CATSPERE: variants seen among roughly 807,000 people sequenced by gnomAD.
The protein encoded by CATSPERE is cation channel sperm-associated auxiliary subunit epsilon.
A neutral mutation model predicts 114.1 loss-of-function variants in CATSPERE; 93 were observed. That is an observed-to-expected ratio of 0.81 (90% CI 0.69 to 0.97). The LOEUF (loss-of-function observed/expected upper bound fraction) is 0.97, where lower values mean the gene tolerates loss of function less well. CATSPERE is among the 50% of genes least tolerant of loss of function. CATSPERE has a pLI of 0.00. For synonymous variants in CATSPERE, 341 were observed against 384.1 expected, an observed-to-expected ratio of 0.89 and a Z score of 1.31; for missense variants, 1,058 against 1,131.6, an observed-to-expected ratio of 0.93 and a Z score of 0.93.
intron 11 of CATSPERE, among the ~76,000 whole-genome samples, chr1:244,579,201 A>G (rs1665798794): frequency 1.3e-5 from 2 of 152,220 alleles, no homozygotes; most frequent in South Asian, 2.1e-4. Flanking sequence ...AGCAATAGCA[A>G]TCGGAGGTGG....
At chr1:244,510,692 G>T (rs542494233) in intron 7 of CATSPERE, among the ~76,000 whole-genome samples, 2 of 152,024 alleles carry the variant, frequency 1.3e-5, no homozygotes, top group Non-Finnish European at 1.5e-5. Flanking sequence ...TCTGTCCAAT[G>T]CTGAGAGTGG....
intron 21 of CATSPERE, among the ~76,000 whole-genome samples, chr1:244,637,901 A>G (rs1674831912): frequency 1.3e-5 from 2 of 152,214 alleles, no homozygotes; most frequent in Non-Finnish European, 1.5e-5. Flanking sequence ...TTGCAAACAT[A>G]AAAATCTACT....
At chr1:244,487,470 T>C (rs547840297) in intron 5 of CATSPERE, among the ~76,000 whole-genome samples, 18 of 152,214 alleles carry the variant, frequency 1.2e-4, no homozygotes, top group African/African-American at 4.3e-4. Flanking sequence ...TGGGCCATGC[T>C]AGATACCTGG....
intron 8 of CATSPERE, among the ~76,000 whole-genome samples, chr1:244,532,956 A>G (rs1201147339): frequency 6.6e-6 from 1 of 151,624 alleles, no homozygotes; most frequent in East Asian, 1.9e-4. Flanking sequence ...GGGATGTTGA[A>G]GTGTCTGGCT....
upstream of CATSPERE, among the ~76,000 whole-genome samples, chr1:244,458,652 G>A (rs759343501): frequency 2.6e-5 from 4 of 152,212 alleles, no homozygotes; most frequent in Non-Finnish European, 5.9e-5. Context: ...TAACAAGTGA[G>A]TAAAATATAC....
At chr1:244,599,923 C>T (rs1317628205) in intron 17 of CATSPERE, among the ~76,000 whole-genome samples, 2 of 151,896 alleles carry the variant, frequency 1.3e-5, no homozygotes, top group African/African-American at 2.4e-5. Context: ...CAGGAATTTA[C>T]CTATAGAGAA....
intron 8 of CATSPERE, among the ~76,000 whole-genome samples, chr1:244,545,175 G>C (rs1398979979): frequency 6.6e-6 from 1 of 152,148 alleles, no homozygotes; most frequent in Non-Finnish European, 1.5e-5. Flanking sequence ...ACTCAAATAT[G>C]GGGCCTTCTA....
Position 244,561,051 on chromosome 1 carries a change from T to C in CATSPERE, c.1413T>C (p.His471=), listed in dbSNP as rs1396830326. ...WNKHSIYYCY[H]NFTFTGILQT... ...AGCATAGTATCTACTATTGTTACCA[T>C]AATTTCACCTTTACTGGGATTTTAC... Residue 471 remains histidine (H), a synonymous_variant, in exon 10 of 22, where the codon CAT becomes CAC. Transcript: ENST00000366534. 5.6e-6 allele frequency: 9 copies of C among 1,612,690 alleles called. No homozygotes were observed. Among genetic ancestry groups the C allele is most frequent in the South Asian group, 5.5e-5 (5 of 91,066 alleles).
At chr1:244,518,737 A>G in intron 8 of CATSPERE, 39 bp downstream of exon 8, 2 of 1,068,090 alleles carry the variant, frequency 1.9e-6, no homozygotes, top group Non-Finnish European at 2.7e-6. Context: ...AGAAATATGA[A>G]AACTTAAACT....
chr1:244,604,100 C>T (rs1669646145), intron 17 of CATSPERE, among the ~76,000 whole-genome samples: 1 of 152,322 alleles, frequency 6.6e-6, no homozygotes, highest in Non-Finnish European at 1.5e-5. Context: ...TAAAGCCTGA[C>T]CCAAATCTCT....
At chr1:244,629,944 C>A (rs557790725) in intron 20 of CATSPERE, among the ~76,000 whole-genome samples, 2 of 152,300 alleles carry the variant, frequency 1.3e-5, no homozygotes, top group East Asian at 3.9e-4. Context: ...TTGGCCTTGT[C>A]TCCTTTATCT....
intron 20 of CATSPERE, among the ~76,000 whole-genome samples, chr1:244,621,188 G>GATATATTTAT (rs1672223511): frequency 7.3e-5 from 1 of 13,750 alleles, no homozygotes; most frequent in Non-Finnish European, 1.6e-4. Context: ...TATTTATATA[G>GATATATTTAT]ATATATTTAT....
In CATSPERE at chr1:244,517,753, A is replaced by G. The variant is rs565940251; in HGVS notation, c.430-839A>G. ...GTGCCATTGCACTCCAGCCTGGGCA[A>G]CACAGCAAAACTCTTGTCTCAAAAA... On this transcript the variant is annotated intron_variant, in intron 7 of 21. Coordinates refer to ENST00000366534, the MANE Select transcript of CATSPERE (RefSeq NM_001130957.2). Among the ~76,000 whole-genome samples, 22 of 150,170 alleles carry G rather than the reference A, an allele frequency of 1.5e-4. No individual in the cohort carries two copies. The South Asian group carries it at 4.2e-3, about 29-fold the overall frequency.
intron 8 of CATSPERE, among the ~76,000 whole-genome samples, chr1:244,522,183 AC>A (rs1677686587): frequency 6.6e-6 from 1 of 152,232 alleles, no homozygotes; most frequent in South Asian, 2.1e-4. Flanking sequence ...TAAGAATCTC[AC>A]TCAAAACCGC....
At chr1:244,603,186 G>A (rs1558576011) in intron 17 of CATSPERE, among the ~76,000 whole-genome samples, 1 of 152,090 alleles carries the variant, frequency 6.6e-6, no homozygotes, top group Non-Finnish European at 1.5e-5. Context: ...GGAAGAGTTG[G>A]TTACTATCTC....
intron 7 of CATSPERE, among the ~76,000 whole-genome samples, chr1:244,511,909 A>G (rs143671828): frequency 2.7e-4 from 41 of 152,276 alleles, no homozygotes; most frequent in African/African-American, 9.9e-4. Context: ...TCCACTGTTA[A>G]TATGAGGAAG....
Position 244,590,382 on chromosome 1 carries a change from GT to G in CATSPERE, c.2139-1292del, listed in dbSNP as rs1029742566. On this transcript the variant is annotated intron_variant, in intron 14 of 21. Transcript: ENST00000366534. ...TTTCATTTTGATAGATTTTCTATGA[GT>G]TTTTTTGTGTGTGCATGTGTGTTTT... Among the ~76,000 whole-genome samples, 5 of 152,176 alleles carry G rather than the reference GT, an allele frequency of 3.3e-5. No individual in the cohort carries two copies. In the East Asian group the frequency reaches 5.8e-4, roughly 18 times the overall value.
chr1:244,559,061 G>A (rs537140979), intron 9 of CATSPERE, among the ~76,000 whole-genome samples: 21 of 152,304 alleles, frequency 1.4e-4, no homozygotes, highest in South Asian at 2.1e-4. Context: ...CGATTATGCC[G>A]AAGCATTAAG....
At chr1:244,560,626 TA>T in intron 9 of CATSPERE, 41 bp from the exon 10 acceptor site, 1 of 1,205,410 alleles carries the variant, frequency 8.3e-7, no homozygotes, top group Non-Finnish European at 1.1e-6. Flanking sequence ...GGCCCGTCTC[TA>T]AAATCGAAGA....
Sources: gnomAD v4.1 joint callset for allele counts (sites outside exome capture counted in the v4.1 genomes callset) on GRCh38, gnomAD v4.1.1 for gene constraint, MANE v1.5 for transcripts, NCBI Gene and HGNC (gene_info 2026-07-23, HGNC 2026-07-21) for gene names.